The following PLVAP variants were observed in gnomAD, a reference collection of about 807,000 sequenced individuals.
PLVAP encodes plasmalemma vesicle associated protein, also known as plasmalemma vesicle-associated protein.
A neutral mutation model predicts 43.1 loss-of-function variants in PLVAP; 34 were observed. That is an observed-to-expected ratio of 0.79 (90% CI 0.60 to 1.05). The LOEUF is 1.05. Among genes scored for constraint, PLVAP ranks in the 50% least tolerant of loss-of-function variants. PLVAP has a pLI of 0.00. For missense variants in PLVAP, 574 were observed against 593.4 expected (o/e 0.97, Z 0.34); for synonymous variants, 241 against 237.3 (o/e 1.02, Z -0.14).
intron 1 of PLVAP, among the ~76,000 whole-genome samples, chr19:17,374,272 C>G (rs1391100794): frequency 6.6e-6 from 1 of 152,206 alleles, no homozygotes; most frequent in Non-Finnish European, 1.5e-5. Flanking sequence ...CCAGACCATC[C>G]TGGCTAACAC....
rs2074542395 is a variant in PLVAP, at chr19:17,364,899, A to G, written c.1179+387T>C. The stretch of plus-strand genomic sequence containing the variant: ...GCGATTCTCCTGCTTCAGCCTCCTG[A>G]GTAGCTGGGATTACAGGTGCCCGCC... On this transcript the variant is annotated intron_variant, in intron 3 of 5. Coordinates refer to ENST00000252590, the MANE Select transcript of PLVAP (RefSeq NM_031310.3). 2.0e-5 allele frequency among the ~76,000 whole-genome samples: 3 copies of G among 148,944 alleles called. No homozygotes were observed. In the Admixed American group the frequency reaches 2.1e-4, roughly 10 times the overall value.
chr19:17,357,532 A>G (rs1335033530), intron 5 of PLVAP, among the ~76,000 whole-genome samples: 1 of 151,624 alleles, frequency 6.6e-6, no homozygotes, highest in Non-Finnish European at 1.5e-5. Flanking sequence ...GGCATGGTGG[A>G]GTGTACCTGT....
At chr19:17,361,926 A>AT (rs1343134738) in intron 3 of PLVAP, among the ~76,000 whole-genome samples, 18 of 150,404 alleles carry the variant, frequency 1.2e-4, no homozygotes, top group African/African-American at 3.7e-4. Context: ...AAAAAAATAA[A>AT]AAAAAAAAAA....
intron 5 of PLVAP, among the ~76,000 whole-genome samples, chr19:17,353,546 A>G (rs528527928): frequency 6.6e-6 from 1 of 151,922 alleles, no homozygotes; most frequent in South Asian, 2.1e-4. Context: ...TCTTCCCTCA[A>G]ACACACAAGG....
intron 1 of PLVAP, among the ~76,000 whole-genome samples, chr19:17,367,547 C>T (rs1158893822): frequency 1.3e-5 from 2 of 152,084 alleles, no homozygotes; most frequent in Non-Finnish European, 2.9e-5. Context: ...CGCCACAACA[C>T]CCGGCTAATC....
At chr19:17,354,127 T>C (rs763089975) in intron 5 of PLVAP, among the ~76,000 whole-genome samples, 1 of 151,876 alleles carries the variant, frequency 6.6e-6, no homozygotes, top group Non-Finnish European at 1.5e-5. Flanking sequence ...TCATTTCTAC[T>C]ATAAATACAA....
intron 1 of PLVAP, among the ~76,000 whole-genome samples, chr19:17,370,925 G>A (rs568486126): frequency 1.3e-4 from 19 of 151,438 alleles, no homozygotes; most frequent in South Asian, 1.0e-3. Flanking sequence ...GCGTGGTGGC[G>A]GGCGCCTGTA....
chr19:17,360,847 T>C lies in PLVAP; in HGVS notation c.1180-15A>G. On this transcript the variant is annotated splice_polypyrimidine_tract_variant and intron_variant, in intron 3 of 5. Coordinates refer to ENST00000252590, the MANE Select transcript of PLVAP (RefSeq NM_031310.3). Reference sequence around the variant, plus strand: ...ATCGGCTGCGACTGTGAAAGAAAGATGGAGGGAGGTTGGTAGGAGCCAGGG... The same window carrying C: ...ATCGGCTGCGACTGTGAAAGAAAGACGGAGGGAGGTTGGTAGGAGCCAGGG... The C allele has an allele frequency of 1.9e-6, 3 of 1,611,292 alleles. No homozygotes were observed. The highest frequency in any genetic ancestry group is 3.3e-4 in the Middle Eastern group (2 of 6,050).
chr19:17,355,814 G>A (rs917057023), intron 5 of PLVAP, among the ~76,000 whole-genome samples: 1 of 152,078 alleles, frequency 6.6e-6, no homozygotes, highest in Non-Finnish European at 1.5e-5. Context: ...GATTACAGGT[G>A]TGAGCCAACA....
intron 1 of PLVAP, among the ~76,000 whole-genome samples, chr19:17,370,634 G>C (rs1050396118): frequency 6.6e-6 from 1 of 152,266 alleles, no homozygotes; most frequent in Admixed American, 6.5e-5. Flanking sequence ...GTCAGGGATT[G>C]GGGGAGGGGA....
At chr19:17,359,718 A>G (rs1165874745) in intron 5 of PLVAP, among the ~76,000 whole-genome samples, 2 of 55,832 alleles carry the variant, frequency 3.6e-5, no homozygotes, top group African/African-American at 5.9e-5. Context: ...TTTCTGACAC[A>G]GTCTCACTCT....
At chr19:17,373,726 C>G (rs1429025227) in intron 1 of PLVAP, among the ~76,000 whole-genome samples, 1 of 152,054 alleles carries the variant, frequency 6.6e-6, no homozygotes, top group Non-Finnish European at 1.5e-5. Context: ...TGACACAAGC[C>G]GGGGTGCGAG....
chr19:17,373,081 A>G (rs1380913769), intron 1 of PLVAP, among the ~76,000 whole-genome samples: 21 of 140,562 alleles, frequency 1.5e-4, no homozygotes, highest in African/African-American at 5.6e-4. Context: ...AAAAAAAAAA[A>G]AAAAAAAAAA....
chr19:17,373,805 T>C (rs2074583993), intron 1 of PLVAP, among the ~76,000 whole-genome samples: 1 of 152,088 alleles, frequency 6.6e-6, no homozygotes, highest in African/African-American at 2.4e-5. Context: ...CCCGCCTGTT[T>C]CTGCCACCTC....
intron 5 of PLVAP, among the ~76,000 whole-genome samples, chr19:17,356,749 C>T (rs749615946): frequency 6.6e-6 from 1 of 151,872 alleles, no homozygotes; most frequent in Non-Finnish European, 1.5e-5. Flanking sequence ...CACCTGAGGT[C>T]GGGAGTTCGA....
Position 17,365,646 on chromosome 19 carries a change from G to T in PLVAP, c.819C>A (p.Asp273Glu), listed in dbSNP as rs1160027696. 9 of 1,613,700 alleles carry T rather than the reference G, an allele frequency of 5.6e-6. No individual in the cohort carries two copies. Among genetic ancestry groups the T allele is most frequent in the Non-Finnish European group, 6.8e-6 (8 of 1,180,020 alleles). ...TGGAGCTCATGAGGCTGGGCATGTG[G>T]TCGCAGGCTCTGCGGATGGAGGCCA... Reference protein sequence around the residue: ...SELASIRRACDHMPSLMSSKV... With the variant: ...SELASIRRACEHMPSLMSSKV... The change falls in exon 3 of 6, where the codon GAC becomes GAA. Residue 273 changes from aspartate (D) to glutamate (E), a missense_variant. Coordinates refer to ENST00000252590, the MANE Select transcript of PLVAP (RefSeq NM_031310.3).
chr19:17,371,852 G>A (rs1390963143), intron 1 of PLVAP, among the ~76,000 whole-genome samples: 2 of 152,178 alleles, frequency 1.3e-5, no homozygotes, highest in Non-Finnish European at 2.9e-5. Context: ...AACTTTGGAA[G>A]AGAACCCTCT....
intron 1 of PLVAP, among the ~76,000 whole-genome samples, chr19:17,372,494 T>G (rs2074576180): frequency 6.7e-6 from 1 of 149,572 alleles, no homozygotes; most frequent in Non-Finnish European, 1.5e-5. Context: ...TCTCGCTCTG[T>G]CGCCCAGGCT....
intron 3 of PLVAP, among the ~76,000 whole-genome samples, chr19:17,361,839 G>A (rs573128240): frequency 5.9e-5 from 9 of 152,170 alleles, no homozygotes; most frequent in Non-Finnish European, 1.2e-4. Flanking sequence ...GGAAGCCGAG[G>A]TGGGCAGATC....
Sources: gnomAD v4.1 joint callset for allele counts (sites outside exome capture counted in the v4.1 genomes callset) on GRCh38, gnomAD v4.1.1 for gene constraint, MANE v1.5 for transcripts, NCBI Gene and HGNC (gene_info 2026-07-23, HGNC 2026-07-21) for gene names.